ZKSCAN3: variants seen among roughly 807,000 people sequenced by gnomAD.
ZKSCAN3 encodes the protein zinc finger with KRAB and SCAN domains 3.
In ZKSCAN3, 21 loss-of-function variants were observed where a neutral mutation model predicts 30.7. The observed-to-expected ratio is 0.68, with a 90% CI of 0.49 to 0.99. ZKSCAN3 has a LOEUF of 0.99. Among genes scored for constraint, ZKSCAN3 ranks in the 50% least tolerant of loss-of-function variants. ZKSCAN3 has a pLI of 0.00. For synonymous variants in ZKSCAN3, 201 were observed against 246.7 expected (o/e 0.81, Z 1.73); for missense variants, 507 against 647.1 (o/e 0.78, Z 2.35).
At chr6:28,358,847 G>T (rs961631420) in intron 1 of ZKSCAN3, among the ~76,000 whole-genome samples, 32 of 143,974 alleles carry the variant, frequency 2.2e-4, no homozygotes, top group Non-Finnish European at 4.0e-4. Context: ...TCATGCCACT[G>T]CACTCCAGTC....
intron 3 of ZKSCAN3, among the ~76,000 whole-genome samples, chr6:28,361,776 CTTG>C (rs1399298459): frequency 3.3e-5 from 5 of 150,394 alleles, no homozygotes; most frequent in Admixed American, 2.7e-4. Context: ...GAGACAGGGT[CTTG>C]TTGTTTCACC....
chr6:28,354,343 C>G (rs6903652), intron 1 of ZKSCAN3: 52,485 of 212,646 alleles, frequency 0.25, 7,386 homozygotes, highest in African/African-American at 0.4. Context: ...TCACGCTGGC[C>G]TGCATATCTG....
At chr6:28,357,553 A>G (rs1179717077) in intron 1 of ZKSCAN3, among the ~76,000 whole-genome samples, 1 of 152,222 alleles carries the variant, frequency 6.6e-6, no homozygotes, top group East Asian at 1.9e-4. Context: ...AGAAGAGGCC[A>G]TGGAAAATGG....
chr6:28,366,336 C>A lies in ZKSCAN3; in HGVS notation c.*51C>A. ...TGCTCATTTGTCACTGATCTGAAGC[C>A]ACTCCCCCTGGAGTCTCAACTATAG... On this transcript the variant is annotated 3_prime_UTR_variant, in exon 6 of 6. Coordinates refer to ENST00000252211, the MANE Select transcript of ZKSCAN3 (RefSeq NM_024493.4). 6.7e-7 allele frequency: 1 copy of A among 1,486,904 alleles called. No homozygotes were observed. Among genetic ancestry groups the A allele is most frequent in the Non-Finnish European group, 8.9e-7 (1 of 1,121,674 alleles). The allele number at this position is 1,486,904 out of a possible 1,614,324, so 92.1% of individuals were successfully genotyped here.
chr6:28,354,316 G>A lies in ZKSCAN3; in HGVS notation c.-63+4249G>A, dbSNP rs572047660. ...ATAACAAGTGGAGTGGTGCGCCTGC[G>A]TTCCAAACTCGCTGAGTCACGCTGG... On this transcript the variant is annotated intron_variant, in intron 1 of 5. Coordinates refer to ENST00000252211, the MANE Select transcript of ZKSCAN3 (RefSeq NM_024493.4). The A allele has an allele frequency of 1.2e-4, 27 of 216,870 alleles. No homozygotes were observed. In the South Asian group the frequency reaches 1.8e-3, roughly 15 times the overall value. 13.4% of individuals were successfully genotyped at this position (216,870 alleles called of 1,614,324 possible).
At chr6:28,355,792 C>T (rs1338301087) in intron 1 of ZKSCAN3, 1 of 152,308 alleles carries the variant, frequency 6.6e-6, no homozygotes, top group Non-Finnish European at 1.5e-5. Flanking sequence ...CCCACGAAGG[C>T]AAAGTGTTCC....
At chr6:28,364,377 GCT>G (rs1392709767) in intron 5 of ZKSCAN3, among the ~76,000 whole-genome samples, 1 of 152,172 alleles carries the variant, frequency 6.6e-6, no homozygotes, top group Non-Finnish European at 1.5e-5. Context: ...TACAGGTCTG[GCT>G]CACAGGAGAT....
At chr6:28,357,161 G>C (rs1249229324) in intron 1 of ZKSCAN3, among the ~76,000 whole-genome samples, 1 of 152,226 alleles carries the variant, frequency 6.6e-6, no homozygotes, top group African/African-American at 2.4e-5. Context: ...GCACGGAATT[G>C]TGTGCGTGCG....
Position 28,365,502 on chromosome 6 carries a change from G to A in ZKSCAN3, c.834G>A (p.Ser278=), listed in dbSNP as rs781026118. The change falls in exon 6 of 6, where the codon TCG becomes TCA. Residue 278 remains serine (S), a synonymous_variant. Coordinates refer to ENST00000252211, the MANE Select transcript of ZKSCAN3 (RefSeq NM_024493.4). The part of the protein sequence containing the change: ...ELPEKEHGKI[S]CHLREDIAQI... ...CAGAAAAGGAGCATGGGAAGATATCGTGCCACCTGAGAGAAGACATTGCCC... is the reference window on the plus strand; with the variant it reads ...CAGAAAAGGAGCATGGGAAGATATCATGCCACCTGAGAGAAGACATTGCCC... 3.0e-5 allele frequency: 49 copies of A among 1,609,668 alleles called. 1 individual carries two copies. In the African/African-American group the frequency reaches 5.8e-4, roughly 19 times the overall value.
rs370107410 is a variant in ZKSCAN3, at chr6:28,356,437, A to T, written c.-62-3088A>T. 4.2e-4 allele frequency among the ~76,000 whole-genome samples: 64 copies of T among 152,218 alleles called. 4 individuals carry two copies. Among genetic ancestry groups the T allele is most frequent in the East Asian group, 4.1e-3 (21 of 5,146 alleles). Reference sequence around the variant, plus strand: ...AGCTCCTTTGTCCCGGAGAGACAGAATTCAGGCAGGGAGTCTCCCCCAAAT... The same window carrying T: ...AGCTCCTTTGTCCCGGAGAGACAGATTTCAGGCAGGGAGTCTCCCCCAAAT... On this transcript the variant is annotated intron_variant, in intron 1 of 5. Transcript: ENST00000252211.
At position 28,352,148 on chromosome 6, in the gene ZKSCAN3, G is replaced by A. The variant is rs546674285; in HGVS notation, c.-63+2081G>A. On this transcript the variant is annotated intron_variant, in intron 1 of 5. Transcript: ENST00000252211. ...ATGCCATTTATTTGTTGAGGAACTT[G>A]AACCTTCTGTTTTATAAAATGCCTC... Among the ~76,000 whole-genome samples, 22 of 152,200 alleles carry A rather than the reference G, an allele frequency of 1.4e-4. No homozygotes were observed. In the East Asian group the frequency reaches 4.1e-3, roughly 28 times the overall value.
At chr6:28,364,735 CTTTTGT>C (rs1008558763) in intron 5 of ZKSCAN3, among the ~76,000 whole-genome samples, 2 of 152,040 alleles carry the variant, frequency 1.3e-5, no homozygotes, top group Admixed American at 1.3e-4. Context: ...TTATTTATTT[CTTTTGT>C]TTTTGAGATG....
chr6:28,357,773 C>T (rs956089224), intron 1 of ZKSCAN3, among the ~76,000 whole-genome samples: 1 of 152,182 alleles, frequency 6.6e-6, no homozygotes, highest in African/African-American at 2.4e-5. Context: ...TATGCTCTCT[C>T]CAGGGGAAGG....
intron 3 of ZKSCAN3, among the ~76,000 whole-genome samples, chr6:28,362,012 G>C (rs1360105620): frequency 2.0e-5 from 3 of 152,182 alleles, no homozygotes; most frequent in South Asian, 2.1e-4. Flanking sequence ...TGTTTCCCAG[G>C]CTGGTCTCAA....
At chr6:28,354,584 C>T (rs1383924070) in intron 1 of ZKSCAN3, among the ~76,000 whole-genome samples, 1 of 152,154 alleles carries the variant, frequency 6.6e-6, no homozygotes, top group African/African-American at 2.4e-5. Flanking sequence ...GACACATAAG[C>T]CTGACACATA....
rs993999084 is a variant in ZKSCAN3 at position 28,351,394 on chromosome 6, T to C, written c.-63+1327T>C. Among the ~76,000 whole-genome samples the C allele has an allele frequency of 6.6e-6, 1 of 152,228 alleles. No homozygotes were observed. Among genetic ancestry groups the C allele is most frequent in the African/African-American group, 2.4e-5 (1 of 41,472 alleles). ...CACTCTGGGTTGGGCTGTGGCTCTC[T>C]CTCGCCTTCCTTGACCCTACCTTAA... On this transcript the variant is annotated intron_variant, in intron 1 of 5. Transcript: ENST00000252211. This position sits in a 1 kb window ranked among gnomAD's most constrained non-coding sequence, Gnocchi z 4.6.
chr6:28,358,719 A>G (rs544301029), intron 1 of ZKSCAN3, among the ~76,000 whole-genome samples: 3 of 152,062 alleles, frequency 2.0e-5, no homozygotes, highest in Non-Finnish European at 2.9e-5. Context: ...CCCCAGCTCT[A>G]CTAAAAATAC....
At chr6:28,358,922 A>C (rs1189466470) in intron 1 of ZKSCAN3, among the ~76,000 whole-genome samples, 1 of 135,526 alleles carries the variant, frequency 7.4e-6, no homozygotes, top group Non-Finnish European at 1.6e-5. Flanking sequence ...AAAAAAAAAA[A>C]AATCAGCTTA....
In ZKSCAN3 at chr6:28,361,413, G is replaced by A. The variant is rs2113922321; in HGVS notation, c.492G>A (p.Gln164=). The A allele has an allele frequency of 6.2e-7, 1 of 1,613,980 alleles. No homozygotes were observed. The highest frequency in any genetic ancestry group is 8.5e-7 in the Non-Finnish European group (1 of 1,179,968). Reference sequence around the variant, plus strand: ...CAGGGTCACAAAGTAGCCAATTTCAGCTAATGAAGGCTCTGCTCAAGCATG... The same window carrying A: ...CAGGGTCACAAAGTAGCCAATTTCAACTAATGAAGGCTCTGCTCAAGCATG... ...PAPGSQSSQF[Q]LMKALLKHES... is the part of the protein sequence containing the mutation. Residue 164 remains glutamine, a synonymous_variant, in exon 3 of 6, where the codon CAG becomes CAA. Coordinates refer to ENST00000252211, the MANE Select transcript of ZKSCAN3 (RefSeq NM_024493.4).
Sources: allele counts gnomAD v4.1 joint callset (sites outside exome capture counted in the v4.1 genomes callset), GRCh38; gene constraint gnomAD v4.1.1; non-coding constraint Gnocchi (gnomAD v3.1); transcripts MANE v1.5; gene names NCBI Gene and HGNC (gene_info 2026-07-23, HGNC 2026-07-21).